MAN1A1: variants seen among roughly 807,000 people sequenced by gnomAD.
MAN1A1 encodes the protein mannosyl-oligosaccharide 1,2-alpha-mannosidase IA.
A neutral mutation model predicts 70.8 loss-of-function variants in MAN1A1; 29 were observed. The ratio of observed to expected loss-of-function variants is 0.41; its 90% confidence interval spans 0.31 to 0.56. The LOEUF (loss-of-function observed/expected upper bound fraction) is 0.56, where lower values mean the gene tolerates loss of function less well. Ranked by LOEUF, MAN1A1 falls within the 20% of genes least tolerant of loss-of-function variation. The pLI, the probability that MAN1A1 is intolerant of heterozygous loss-of-function variation, is 0.29. For missense variants in MAN1A1, 747 were observed against 841.3 expected (o/e 0.89, Z 1.39); for synonymous variants, 349 against 330.1 (o/e 1.06, Z -0.62).
At chr6:119,295,375 A>C (rs1772179465) in intron 4 of MAN1A1, among the ~76,000 whole-genome samples, 1 of 152,168 alleles carries the variant, frequency 6.6e-6, no homozygotes, top group South Asian at 2.1e-4. Context: ...GAAAATAACA[A>C]ATTTTAGTTT....
chr6:119,263,606 G>A (rs1371737085), intron 5 of MAN1A1, among the ~76,000 whole-genome samples: 2 of 152,008 alleles, frequency 1.3e-5, no homozygotes, highest in African/African-American at 4.8e-5. Flanking sequence ...TCCATGACAC[G>A]CCATGTACCT....
intron 5 of MAN1A1, among the ~76,000 whole-genome samples, chr6:119,280,110 T>C (rs573923044): frequency 1.7e-3 from 260 of 152,352 alleles, no homozygotes; most frequent in African/African-American, 6.0e-3. Flanking sequence ...CACTTAAATA[T>C]TAAGGCCTAT....
chr6:119,290,995 A>C (rs189801147), intron 4 of MAN1A1, among the ~76,000 whole-genome samples: 3 of 152,088 alleles, frequency 2.0e-5, no homozygotes, highest in African/African-American at 4.8e-5. Flanking sequence ...TCATTATATG[A>C]CAATTTTTAA....
At chr6:119,295,893 T>C (rs949041252) in intron 4 of MAN1A1, among the ~76,000 whole-genome samples, 3 of 152,162 alleles carry the variant, frequency 2.0e-5, no homozygotes, top group Non-Finnish European at 4.4e-5. Flanking sequence ...CCAATGTAAA[T>C]AACAACTGCT....
At chr6:119,291,604 A>C (rs887339695) in intron 4 of MAN1A1, among the ~76,000 whole-genome samples, 18 of 151,710 alleles carry the variant, frequency 1.2e-4, no homozygotes, top group African/African-American at 3.6e-4. Flanking sequence ...TATTCAGCCT[A>C]TACTTAGGCT....
chr6:119,291,510 C>A (rs1045554702), intron 4 of MAN1A1, among the ~76,000 whole-genome samples: 1 of 138,920 alleles, frequency 7.2e-6, no homozygotes, highest in Non-Finnish European at 1.6e-5. Context: ...TTTGTGTAAA[C>A]ATAATGGGGC....
At chr6:119,213,859 T>C (rs1774119467) in intron 6 of MAN1A1, among the ~76,000 whole-genome samples, 1 of 152,272 alleles carries the variant, frequency 6.6e-6, no homozygotes, top group Non-Finnish European at 1.5e-5. Context: ...TATTTTCATG[T>C]ATTGATACTT....
intron 5 of MAN1A1, among the ~76,000 whole-genome samples, chr6:119,276,424 CATT>C (rs1776066454): frequency 6.6e-6 from 1 of 152,170 alleles, no homozygotes; most frequent in Non-Finnish European, 1.5e-5. Flanking sequence ...ATGCTTAACA[CATT>C]TGCTGAATAA....
In MAN1A1 at chr6:119,349,679, C is replaced by T; in HGVS notation, c.-360G>A. 2.0e-6 allele frequency: 2 copies of T among 985,870 alleles called. No homozygotes were observed. The highest frequency in any genetic ancestry group is 4.7e-5 in the South Asian group (1 of 21,296). 61.1% of individuals were successfully genotyped at this position (985,870 alleles called of 1,614,324 possible). On this transcript the variant is annotated 5_prime_UTR_variant, in exon 1 of 13. Transcript: ENST00000368468. ...ACGGTCCCGCAGCCCCGGCGCGGCT[C>T]AGGTGGGCGAGCGCGCCGACCTGCG...
intron 5 of MAN1A1, among the ~76,000 whole-genome samples, chr6:119,270,573 T>C (rs1018406011): frequency 3.3e-5 from 5 of 152,304 alleles, no homozygotes; most frequent in African/African-American, 9.6e-5. Flanking sequence ...TCTGTCTCTA[T>C]GAATATGCCT....
chr6:119,264,924 A>C (rs1775709788), intron 5 of MAN1A1, among the ~76,000 whole-genome samples: 1 of 152,146 alleles, frequency 6.6e-6, no homozygotes, highest in African/African-American at 2.4e-5. Flanking sequence ...AACATTTTTA[A>C]GAAATGAAAA....
rs1338281997 is a variant in MAN1A1, at chr6:119,178,739, A to G, written c.*1080T>C. 1 of 152,156 alleles carries G rather than the reference A, an allele frequency of 6.6e-6. No homozygotes were observed. Among genetic ancestry groups the G allele is most frequent in the Non-Finnish European group, 1.5e-5 (1 of 67,980 alleles). The allele number at this position is 152,156 out of a possible 1,614,324, so 9.4% of individuals were successfully genotyped here. A position where few individuals can be genotyped will look rare whatever the true frequency, so the allele number is the denominator to read the frequency against. ...TTAGATTTTCCTTGATTGATCACGAATAAGTAAAATTGGCAAAGCTTCTTT... is the reference window on the plus strand; with the variant it reads ...TTAGATTTTCCTTGATTGATCACGAGTAAGTAAAATTGGCAAAGCTTCTTT... On this transcript the variant is annotated 3_prime_UTR_variant, in exon 13 of 13. Transcript: ENST00000368468.
At chr6:119,236,037 G>T (rs1473094882) in intron 6 of MAN1A1, among the ~76,000 whole-genome samples, 1 of 151,792 alleles carries the variant, frequency 6.6e-6, no homozygotes, top group Admixed American at 6.6e-5. Flanking sequence ...TACTCAGGAG[G>T]CTGAGTCAGG....
At chr6:119,221,329 T>G (rs745639534) in intron 6 of MAN1A1, among the ~76,000 whole-genome samples, 8 of 152,152 alleles carry the variant, frequency 5.3e-5, no homozygotes, top group Non-Finnish European at 1.2e-4. Context: ...CACTGTTACT[T>G]GTTTCTTCAA....
chr6:119,264,217 GC>G (rs1356640426), intron 5 of MAN1A1, among the ~76,000 whole-genome samples: 1 of 152,200 alleles, frequency 6.6e-6, no homozygotes, highest in Non-Finnish European at 1.5e-5. Context: ...AGCTCTGAGA[GC>G]AGGGCTTATA....
intron 2 of MAN1A1, among the ~76,000 whole-genome samples, chr6:119,337,988 A>G (rs1292950838): frequency 6.6e-6 from 1 of 151,966 alleles, no homozygotes; most frequent in Non-Finnish European, 1.5e-5. Flanking sequence ...TTAAATCACA[A>G]TATGGACTTC....
chr6:119,296,386 G>A (rs1772217068), intron 4 of MAN1A1, among the ~76,000 whole-genome samples: 1 of 152,120 alleles, frequency 6.6e-6, no homozygotes, highest in Non-Finnish European at 1.5e-5. Flanking sequence ...ATCACTCTTG[G>A]TAGGTATTCC....
chr6:119,259,390 G>T (rs187793833), intron 5 of MAN1A1, among the ~76,000 whole-genome samples: 1 of 152,172 alleles, frequency 6.6e-6, no homozygotes, highest in East Asian at 1.9e-4. Flanking sequence ...ACCATATTAT[G>T]TAGTAGTAAT....
chr6:119,258,643 C>T (rs1775524203), intron 5 of MAN1A1, among the ~76,000 whole-genome samples: 1 of 152,166 alleles, frequency 6.6e-6, no homozygotes, highest in Admixed American at 6.5e-5. Context: ...AATTCCCTGA[C>T]ATATTTTAGT....
Sources: gnomAD v4.1 joint callset for allele counts (sites outside exome capture counted in the v4.1 genomes callset) on GRCh38, gnomAD v4.1.1 for gene constraint, MANE v1.5 for transcripts, NCBI Gene and HGNC (gene_info 2026-07-23, HGNC 2026-07-21) for gene names.